The following CCNYL1 variants were observed in gnomAD, a reference collection of about 807,000 sequenced individuals.
CCNYL1 encodes cyclin-Y-like protein 1.
CCNYL1 carries 16 observed loss-of-function variants against 44.2 expected under a neutral mutation model. That is an observed-to-expected ratio of 0.36 (90% CI 0.25 to 0.55). The LOEUF is 0.55. CCNYL1 is among the 20% of genes least tolerant of loss of function. The pLI is 0.85. For missense variants in CCNYL1, 348 were observed against 451.8 expected (o/e 0.77, Z 2.08); for synonymous variants, 159 against 163.2 (o/e 0.97, Z 0.20).
intron 7 of CCNYL1, among the ~76,000 whole-genome samples, chr2:207,743,518 G>A (rs1442729794): frequency 6.6e-6 from 1 of 152,212 alleles, no homozygotes; most frequent in Admixed American, 6.5e-5. Flanking sequence ...GGGAGGCTGA[G>A]GTGGGAGGAT....
chr2:207,735,128 C>T (rs1056150262), intron 4 of CCNYL1, among the ~76,000 whole-genome samples: 11 of 151,994 alleles, frequency 7.2e-5, no homozygotes, highest in Non-Finnish European at 1.3e-4. Context: ...ATGCTTTTTT[C>T]CCCCCATTTT....
intron 4 of CCNYL1, among the ~76,000 whole-genome samples, chr2:207,734,550 A>G (rs1267994929): frequency 6.6e-6 from 1 of 151,430 alleles, no homozygotes; most frequent in African/African-American, 2.4e-5. Flanking sequence ...AGAACACCCT[A>G]AGATGAACTT....
chr2:207,717,435 G>A lies in CCNYL1; in HGVS notation c.220+5319G>A, dbSNP rs182513945. On this transcript the variant is annotated intron_variant, in intron 1 of 9. Transcript: ENST00000295414. ...TGTTCCAGATTTAGGGCAGACAGTG[G>A]TATACAAGACAGAACCTCATCCTAA... Among the ~76,000 whole-genome samples the A allele has an allele frequency of 3.0e-4, 46 of 152,276 alleles. 1 individual carries two copies. In the East Asian group the frequency reaches 8.7e-3, roughly 29 times the overall value.
In CCNYL1 at chr2:207,754,744, C is replaced by T; in HGVS notation, c.*1046C>T. On this transcript the variant is annotated 3_prime_UTR_variant, in exon 10 of 10. Coordinates refer to ENST00000295414, the MANE Select transcript of CCNYL1 (RefSeq NM_001330218.2). ...CTAGAACTTCCTGGTCTCAAGCCAT[C>T]CTCTAGCCTCAGCCACACAAGTAGC... is the stretch of plus-strand genomic sequence containing the variant. 1 of 154,382 alleles carries T rather than the reference C, an allele frequency of 6.5e-6. No individual in the cohort carries two copies. The highest frequency in any genetic ancestry group is 5.3e-4 in the Middle Eastern group (1 of 1,872). 9.6% of individuals were successfully genotyped at this position (154,382 alleles called of 1,614,324 possible). A position where few individuals can be genotyped will look rare whatever the true frequency, so the allele number is the denominator to read the frequency against.
intron 6 of CCNYL1, among the ~76,000 whole-genome samples, chr2:207,741,540 T>C (rs2091809753): frequency 6.6e-6 from 1 of 152,186 alleles, no homozygotes; most frequent in South Asian, 2.1e-4. Context: ...ACGTCAACAC[T>C]GCTGGTCTTA....
intron 4 of CCNYL1, 50 bp downstream of exon 4, chr2:207,734,097 A>G (rs749445389): frequency 3.5e-6 from 4 of 1,140,008 alleles, no homozygotes; most frequent in South Asian, 1.3e-5. Context: ...CCCTTATGCT[A>G]AAAGCATCCT....
At chr2:207,740,858 A>C in intron 6 of CCNYL1, 152 bp downstream of exon 6, 1 of 618,834 alleles carries the variant, frequency 1.6e-6, no homozygotes, top group Non-Finnish European at 2.8e-6. Context: ...AATGGTGTAA[A>C]CATTTAAAAA....
intron 7 of CCNYL1, among the ~76,000 whole-genome samples, chr2:207,745,180 G>A (rs911828814): frequency 6.6e-6 from 1 of 152,190 alleles, no homozygotes; most frequent in Non-Finnish European, 1.5e-5. Context: ...GGACACATCC[G>A]GGGAGTTGTG....
chr2:207,745,671 T>C (rs1433072429), intron 7 of CCNYL1, among the ~76,000 whole-genome samples: 1 of 152,168 alleles, frequency 6.6e-6, no homozygotes, highest in Non-Finnish European at 1.5e-5. Context: ...TTTTCAGGCT[T>C]GGCACAGTGG....
chr2:207,713,883 C>T (rs1178172772), intron 1 of CCNYL1, among the ~76,000 whole-genome samples: 1 of 152,174 alleles, frequency 6.6e-6, no homozygotes, highest in African/African-American at 2.4e-5. Context: ...TTAATGCTCT[C>T]TTAGTGGTGT....
chr2:207,751,458 G>A (rs1359182445), intron 9 of CCNYL1, among the ~76,000 whole-genome samples: 3 of 152,200 alleles, frequency 2.0e-5, no homozygotes, highest in Non-Finnish European at 4.4e-5. Flanking sequence ...TGTGGCTCAT[G>A]TCTGTAATCC....
chr2:207,733,994 A>G lies in CCNYL1; in HGVS notation c.378A>G (p.Ile126Met), dbSNP rs1244941133. The change falls in exon 4 of 10, where the codon ATA becomes ATG. Residue 126 changes from isoleucine (I) to methionine (M), a missense_variant. Physicochemically the swap from Ile to Met is conservative, Grantham distance 10 (BLOSUM62 1). Around this residue, in one of 3 missense-constraint regions of CCNYL1, gnomAD observed 209 missense variants for 247.7 expected, o/e 0.84. Transcript: ENST00000295414. ...AAAAGTATAGCTCATGCTCAACAAT[A>G]TTTCTAGATGACAGCACAGTCAGCC... ...LTKKYSSCSTIFLDDSTVSQP... is the reference protein window; with the variant it reads ...LTKKYSSCSTMFLDDSTVSQP... The G allele has an allele frequency of 6.2e-7, 1 of 1,613,646 alleles. No homozygotes were observed. Among genetic ancestry groups the G allele is most frequent in the Non-Finnish European group, 8.5e-7 (1 of 1,179,736 alleles).
intron 6 of CCNYL1, among the ~76,000 whole-genome samples, chr2:207,741,782 G>A (rs1378221736): frequency 2.6e-5 from 4 of 151,272 alleles, no homozygotes; most frequent in Non-Finnish European, 4.4e-5. Flanking sequence ...GGAGGTGGAG[G>A]TTGCAGTGAG....
chr2:207,725,148 G>T (rs1165998251), intron 2 of CCNYL1, among the ~76,000 whole-genome samples: 2 of 136,536 alleles, frequency 1.5e-5, no homozygotes, highest in East Asian at 2.1e-4. Flanking sequence ...TTTTTTGAGA[G>T]GCTGGAGTGC....
intron 1 of CCNYL1, among the ~76,000 whole-genome samples, chr2:207,724,119 C>T (rs971184275): frequency 4.6e-5 from 7 of 152,048 alleles, no homozygotes; most frequent in South Asian, 2.1e-4. Context: ...TGCTTTAAAA[C>T]GTACTCTTGA....
intron 2 of CCNYL1, among the ~76,000 whole-genome samples, chr2:207,725,221 C>A (rs913995053): frequency 1.3e-5 from 2 of 151,362 alleles, no homozygotes; most frequent in South Asian, 4.2e-4. Flanking sequence ...CCATCTCCCA[C>A]GTTCAAGCAA....
chr2:207,715,379 C>CTTTTT (rs770646092), intron 1 of CCNYL1, among the ~76,000 whole-genome samples: 57 of 100,746 alleles, frequency 5.7e-4, no homozygotes, highest in South Asian at 1.1e-3. Flanking sequence ...CAAGCTATTT[C>CTTTTT]TTTTTTTTTT....
At chr2:207,752,415 G>GC (rs1334696124) in intron 9 of CCNYL1, among the ~76,000 whole-genome samples, 2 of 151,154 alleles carry the variant, frequency 1.3e-5, no homozygotes, top group Non-Finnish European at 3.0e-5. Context: ...GGTGGCAGAC[G>GC]CCCAGTTACT....
intron 7 of CCNYL1, among the ~76,000 whole-genome samples, chr2:207,745,273 G>A (rs981710149): frequency 1.3e-5 from 2 of 152,184 alleles, no homozygotes; most frequent in African/African-American, 4.8e-5. Flanking sequence ...ACGCAGTTGC[G>A]GGGACAGTGT....
Sources: gnomAD v4.1 joint callset for allele counts (sites outside exome capture counted in the v4.1 genomes callset) on GRCh38, gnomAD v4.1.1 for gene constraint, gnomAD v4.1.1 regional missense constraint, MANE v1.5 for transcripts, NCBI Gene and HGNC (gene_info 2026-07-23, HGNC 2026-07-21) for gene names.